FMN1: variants seen among roughly 807,000 people sequenced by gnomAD.
The protein encoded by FMN1 is formin 1.
FMN1 carries 110 observed loss-of-function variants against 132.4 expected under a neutral mutation model. The observed-to-expected ratio is 0.83, with a 90% CI of 0.71 to 0.97. FMN1 has a LOEUF of 0.97. Among genes scored for constraint, FMN1 ranks in the 50% least tolerant of loss-of-function variants. The pLI is 0.00. For synonymous variants in FMN1, 722 were observed against 651.7 expected, an observed-to-expected ratio of 1.11 and a Z score of -1.64; for missense variants, 1,792 against 1,705.3, an observed-to-expected ratio of 1.05 and a Z score of -0.90.
intron 5 of FMN1, among the ~76,000 whole-genome samples, chr15:33,081,093 C>T (rs1013152446): frequency 6.6e-6 from 1 of 152,126 alleles, no homozygotes; most frequent in Non-Finnish European, 1.5e-5. Context: ...ACGGAGGGTA[C>T]TCCACGGCAA....
intron 3 of FMN1, among the ~76,000 whole-genome samples, chr15:33,161,530 G>C (rs767624384): frequency 2.3e-4 from 35 of 152,088 alleles, no homozygotes; most frequent in Admixed American, 9.2e-4. Flanking sequence ...TTTGAATTCT[G>C]CCTCTCCTGT....
chr15:33,055,819 A>G (rs915776573), intron 6 of FMN1, among the ~76,000 whole-genome samples: 2 of 152,230 alleles, frequency 1.3e-5, no homozygotes, highest in African/African-American at 4.8e-5. Flanking sequence ...CACTATTAAG[A>G]GAGAGAAAAA....
At chr15:33,107,669 C>G (rs1048843310) in intron 4 of FMN1, among the ~76,000 whole-genome samples, 7 of 152,092 alleles carry the variant, frequency 4.6e-5, no homozygotes, top group African/African-American at 1.7e-4. Flanking sequence ...GCTCAAATAT[C>G]CTTCGAGCAG....
intron 3 of FMN1, among the ~76,000 whole-genome samples, chr15:33,158,837 G>A (rs1307369170): frequency 4.6e-5 from 7 of 152,154 alleles, no homozygotes; most frequent in African/African-American, 2.4e-5. Context: ...AGAAAGAAGC[G>A]ATAGCCAAAA....
intron 17 of FMN1, among the ~76,000 whole-genome samples, chr15:32,815,870 A>C (rs934173222): frequency 6.6e-6 from 1 of 152,228 alleles, no homozygotes; most frequent in Non-Finnish European, 1.5e-5. Flanking sequence ...TTAACAGTGG[A>C]GCCGAAGCTT....
chr15:32,913,151 C>G (rs539731137), intron 10 of FMN1, among the ~76,000 whole-genome samples: 2 of 152,178 alleles, frequency 1.3e-5, no homozygotes, highest in East Asian at 3.9e-4. Flanking sequence ...ACTCAAGACC[C>G]AACTTCAGAA....
Position 32,770,036 on chromosome 15 carries a change from C to G in FMN1, c.*4274G>C, listed in dbSNP as rs780518469. ...AAAATCAGATATTTAATATTTGGAT[C>G]AGATATGTGGGAGGGGGGAAGGCTA... On this transcript the variant is annotated 3_prime_UTR_variant, in exon 21 of 21. Coordinates refer to ENST00000616417, the MANE Select transcript of FMN1 (RefSeq NM_001277313.2). The G allele has an allele frequency of 6.6e-6, 1 of 152,056 alleles. No homozygotes were observed. The highest frequency in any genetic ancestry group is 2.4e-5 in the African/African-American group (1 of 41,376). 9.4% of individuals were successfully genotyped at this position (152,056 alleles called of 1,614,324 possible).
At chr15:33,143,502 G>A (rs1273894898) in intron 4 of FMN1, among the ~76,000 whole-genome samples, 1 of 152,118 alleles carries the variant, frequency 6.6e-6, no homozygotes, top group African/African-American at 2.4e-5. Context: ...CTATCTTTGA[G>A]GAGAGATTTT....
At chr15:32,862,819 T>A (rs1028141181) in intron 16 of FMN1, among the ~76,000 whole-genome samples, 14 of 152,182 alleles carry the variant, frequency 9.2e-5, no homozygotes, top group Non-Finnish European at 5.9e-5. Context: ...GAATACAGTT[T>A]TAGAGGAAAG....
At chr15:32,856,296 T>C (rs1444057292) in intron 17 of FMN1, among the ~76,000 whole-genome samples, 1 of 152,232 alleles carries the variant, frequency 6.6e-6, no homozygotes, top group Non-Finnish European at 1.5e-5. Context: ...AACCCCACAC[T>C]TATTTTTGTT....
chr15:32,984,978 C>CAAAAAAAAAAAAAAAAAAAAAAAAA (rs11330959), intron 7 of FMN1, among the ~76,000 whole-genome samples: 117 of 97,216 alleles, frequency 1.2e-3, no homozygotes, highest in South Asian at 1.9e-3. Context: ...CATCCATCAC[C>CAAAAAAAAAAAAAAAAAAAAAAAAA]AAAAAAAAAA....
At chr15:32,950,070 T>C (rs1204000032) in intron 9 of FMN1, among the ~76,000 whole-genome samples, 2 of 106,720 alleles carry the variant, frequency 1.9e-5, no homozygotes, top group African/African-American at 7.4e-5. Context: ...TATATATATA[T>C]ATATATATAT....
rs71117113 is a variant in FMN1, at chr15:33,163,592, C to CTGTTTTGTTTTGTTTTGTTT, written c.-131-8567_-131-8548dup. ...TACAGGCGTGAGCTACCATGCCTGGCTGTTTTGTTTTGTTTTGTTTTGTTT... is the reference window on the plus strand; with the variant it reads ...TACAGGCGTGAGCTACCATGCCTGGCTGTTTTGTTTTGTTTTGTTTTGTTTTGTTTTGTTTTGTTTTGTTT... On this transcript the variant is annotated intron_variant, in intron 3 of 20. Transcript: ENST00000616417. 3.8e-3 allele frequency among the ~76,000 whole-genome samples: 555 copies of CTGTTTTGTTTTGTTTTGTTT among 145,032 alleles called. 11 individuals are homozygous for CTGTTTTGTTTTGTTTTGTTT. The highest frequency in any genetic ancestry group is 0.014 in the African/African-American group (530 of 38,068).
intron 5 of FMN1, among the ~76,000 whole-genome samples, chr15:33,088,261 C>G (rs1364612334): frequency 6.6e-6 from 1 of 151,906 alleles, no homozygotes. Context: ...TAAAAGTGAA[C>G]AAAAACTTTA....
chr15:33,129,274 T>G (rs1371655322), intron 4 of FMN1, among the ~76,000 whole-genome samples: 1 of 152,222 alleles, frequency 6.6e-6, no homozygotes. Flanking sequence ...ATTATAAATA[T>G]GTGCTTTAAA....
At chr15:32,872,398 G>A (rs1292110010) in intron 16 of FMN1, among the ~76,000 whole-genome samples, 1 of 152,216 alleles carries the variant, frequency 6.6e-6, no homozygotes, top group Non-Finnish European at 1.5e-5. Context: ...GCAGAGCAAA[G>A]TTGTTAGCTA....
intron 17 of FMN1, among the ~76,000 whole-genome samples, chr15:32,808,087 G>C (rs903092044): frequency 2.6e-5 from 4 of 152,232 alleles, no homozygotes; most frequent in Admixed American, 2.6e-4. Flanking sequence ...TGTGGGCCAA[G>C]TATAAGAATC....
At chr15:32,980,417 T>C (rs892305888) in intron 7 of FMN1, among the ~76,000 whole-genome samples, 1 of 152,198 alleles carries the variant, frequency 6.6e-6, no homozygotes, top group Non-Finnish European at 1.5e-5. Context: ...TTTTATTTTC[T>C]TTACAAACCA....
intron 7 of FMN1, among the ~76,000 whole-genome samples, chr15:32,981,756 G>A (rs1419369291): frequency 6.6e-6 from 1 of 151,842 alleles, no homozygotes; most frequent in African/African-American, 2.4e-5. Context: ...ATTCATTTAG[G>A]ATATGTTACT....
Sources: allele counts gnomAD v4.1 joint callset (sites outside exome capture counted in the v4.1 genomes callset), GRCh38; gene constraint gnomAD v4.1.1; transcripts MANE v1.5; gene names NCBI Gene and HGNC (gene_info 2026-07-23, HGNC 2026-07-21).